The following FASN variants were observed in gnomAD, a reference collection of about 807,000 sequenced individuals.
The protein encoded by FASN is fatty acid synthase.
Under a neutral mutation model 250.0 loss-of-function variants are expected in FASN, and 50 were observed. The observed-to-expected ratio is 0.20, with a 90% CI of 0.16 to 0.25. The LOEUF (loss-of-function observed/expected upper bound fraction) is 0.25. FASN is among the 10% of genes least tolerant of loss of function. The pLI is 1.00. For missense variants in FASN, 3,031 were observed against 3,498.5 expected (o/e 0.87, Z 3.37); for synonymous variants, 1,909 against 1,584.0 (o/e 1.21, Z -4.87).
chr17:82,085,865 C>T lies in FASN; in HGVS notation c.3739G>A (p.Ala1247Thr). The change falls in exon 23 of 43, where the codon GCT becomes ACT. Residue 1247 changes from alanine to threonine, a missense_variant. Transcript: ENST00000306749. ...CGGGAATACAGGTGACCGTGGCCAG[C>T]CAGCACCTGTAGGGGGTGAATTCTG... Reference protein sequence around the residue: ...SLKMKVVEVLAGHGHLYSRIP... With the variant: ...SLKMKVVEVLTGHGHLYSRIP... The T allele has an allele frequency of 6.5e-7, 1 of 1,537,592 alleles. No homozygotes were observed. Among genetic ancestry groups the T allele is most frequent in the Non-Finnish European group, 8.7e-7 (1 of 1,146,488 alleles).
Position 82,084,711 on chromosome 17 carries a change from G to A in FASN, c.4570C>T (p.Pro1524Ser). The change falls in exon 27 of 43, where the codon CCT becomes TCT. Residue 1524 changes from proline (P) to serine (S), a missense_variant. Pro to Ser is a moderately conservative substitution (Grantham distance 74). Coordinates refer to ENST00000306749, the MANE Select transcript of FASN (RefSeq NM_004104.5). ...AAGGCATGTGCCGTCGGCTCCTCAG[G>A]CTTGTCTAGGGAAACAGGGAGGTGG... Reference protein sequence around the residue: ...FRHFLLEEDKPEEPTAHAFVS... With the variant: ...FRHFLLEEDKSEEPTAHAFVS... 1 of 1,560,948 alleles carries A rather than the reference G, an allele frequency of 6.4e-7. No homozygotes were observed. The highest frequency in any genetic ancestry group is 8.7e-7 in the Non-Finnish European group (1 of 1,152,856).
Position 82,088,980 on chromosome 17 carries a change from C to A in FASN, c.2293G>T (p.Ala765Ser), listed in dbSNP as rs774938033. Reference sequence around the variant, plus strand: ...CAGGCTGGGCCTACCTGCAGCAGGGCGTGGGGCGCGATCTCCAGCACCACC... The same window carrying A: ...CAGGCTGGGCCTACCTGCAGCAGGGAGTGGGGCGCGATCTCCAGCACCACC... ...HAVVLEIAPHALLQAVLKRGL... is the reference protein window; with the variant it reads ...HAVVLEIAPHSLLQAVLKRGL... Residue 765 changes from alanine to serine, a missense_variant, in exon 14 of 43, where the codon GCC becomes TCC. Transcript: ENST00000306749. 4.3e-5 allele frequency: 69 copies of A among 1,609,046 alleles called. No homozygotes were observed. The South Asian group carries it at 7.2e-4, about 17-fold the overall frequency.
At chr17:82,095,208 A>G (rs773306638) in intron 3 of FASN, 112 bp downstream of exon 3, 22 of 1,291,450 alleles carry the variant, frequency 1.7e-5, no homozygotes, top group Admixed American at 6.7e-5. Flanking sequence ...ACAGCCGGGG[A>G]GGGTAGGTGG....
intron 2 of FASN, among the ~76,000 whole-genome samples, chr17:82,096,026 C>A (rs774526386): frequency 6.6e-5 from 10 of 152,250 alleles, no homozygotes; most frequent in Non-Finnish European, 1.3e-4. Context: ...ATGGGCCCTG[C>A]CTGGGCCAGC....
chr17:82,085,487 T>C lies in FASN; in HGVS notation c.4117A>G (p.Ser1373Gly). ...CCCCTGCCCGGCGGCCGCACCTGGC[T>C]CAGGATGCCCTGGCCATACTGCGGC... ...TEPQYGQGIL[S>G]QDAWESLFSR... The change falls in exon 23 of 43, where the codon AGC becomes GGC. Residue 1373 changes from serine to glycine, a missense_variant. Ser to Gly is a moderately conservative substitution (Grantham distance 56). Transcript: ENST00000306749. The C allele has an allele frequency of 1.3e-6, 2 of 1,591,934 alleles. No homozygotes were observed. The highest frequency in any genetic ancestry group is 1.1e-5 in the South Asian group (1 of 88,106).
chr17:82,081,294 G>A lies in FASN; in HGVS notation c.6465C>T (p.Asp2155=). 6.4e-7 allele frequency: 1 copy of A among 1,560,440 alleles called. No individual in the cohort carries two copies. The highest frequency in any genetic ancestry group is 1.2e-5 in the South Asian group (1 of 85,186). Residue 2155 remains aspartate, a synonymous_variant, in exon 38 of 43, where the codon GAC becomes GAT. Transcript: ENST00000306749. ...LDSSLADLGL[D]SLMSVEVRQT... ...GGCGCACCTCCACGCTCATGAGCGAGTCCAGGCCCAGGTCCGCCAGTGAGC... is the reference window on the plus strand; with the variant it reads ...GGCGCACCTCCACGCTCATGAGCGAATCCAGGCCCAGGTCCGCCAGTGAGC...
At chr17:82,095,925 G>A (rs1598585730) in intron 2 of FASN, among the ~76,000 whole-genome samples, 2 of 152,218 alleles carry the variant, frequency 1.3e-5, no homozygotes, top group African/African-American at 4.8e-5. Context: ...CAGCCTGGCC[G>A]GAAGGGCTCT....
chr17:82,084,562 G>A lies in FASN; in HGVS notation c.4719C>T (p.Phe1573=). ...TGCCAGTGGCCAGCATGATGTCGCG[G>A]AAGTTGAGGGAGGCGTAGTAGACCG... ...LCTVYYASLN[F]RDIMLATGKL... Residue 1573 remains phenylalanine, a synonymous_variant, in exon 27 of 43, where the codon TTC becomes TTT. Coordinates refer to ENST00000306749, the MANE Select transcript of FASN (RefSeq NM_004104.5). The A allele has an allele frequency of 6.2e-7, 1 of 1,611,816 alleles. No individual in the cohort carries two copies. Among genetic ancestry groups the A allele is most frequent in the Non-Finnish European group, 8.5e-7 (1 of 1,179,596 alleles).
In FASN at chr17:82,079,363, G is replaced by A. The variant is rs2033947260; in HGVS notation, c.7392C>T (p.Leu2464=). ...CGTCAGGCCCCTTGCGCACCTGGGA[G>A]AGGTTGTAGTCCGCGCCCAGGTCCT... ...YGEDLGADYN[L]SQVCDGKVSV... Residue 2464 remains leucine (L), a synonymous_variant, in exon 42 of 43, where the codon CTC becomes CTT. Transcript: ENST00000306749. 3.7e-6 allele frequency: 6 copies of A among 1,613,056 alleles called. No homozygotes were observed. Among genetic ancestry groups the A allele is most frequent in the Non-Finnish European group, 5.1e-6 (6 of 1,179,988 alleles).
intron 36 of FASN, 69 bp from the exon 37 acceptor site, chr17:82,081,912 G>A: frequency 2.4e-6 from 1 of 410,096 alleles, no homozygotes; most frequent in Non-Finnish European, 4.1e-6. Context: ...CTGGGAGAGG[G>A]TGGGGTGGGC....
Position 82,084,231 on chromosome 17 carries a change from C to T in FASN, c.4919+3G>A. On this transcript the variant is annotated splice_donor_region_variant and intron_variant, in intron 28 of 42. Coordinates refer to ENST00000306749, the MANE Select transcript of FASN (RefSeq NM_004104.5). ...CCCAGGCTCACACCCTCGACACACT[C>T]ACCAGTTGGAAGGCACATCCCAGAG... 1 of 1,611,668 alleles carries T rather than the reference C, an allele frequency of 6.2e-7. No homozygotes were observed. Among genetic ancestry groups the T allele is most frequent in the Non-Finnish European group, 8.5e-7 (1 of 1,179,436 alleles).
chr17:82,096,477 C>T, intron 1 of FASN, 25 bp from the exon 2 acceptor site: 2 of 1,607,740 alleles, frequency 1.2e-6, no homozygotes, highest in South Asian at 2.2e-5. Flanking sequence ...GTGTGAGTGC[C>T]CCACACATCC....
chr17:82,098,063 C>A, intron 1 of FASN, 58 bp downstream of exon 1: 1 of 325,270 alleles, frequency 3.1e-6, no homozygotes. Flanking sequence ...ACCCCGGGAA[C>A]CCCGGGCCCA....
Position 82,080,603 on chromosome 17 carries a change from T to C in FASN, c.6827-13A>G. Reference sequence around the variant, plus strand: ...TCAAGGGGCGCAGCTGCAATGGCAGTGCCGGGCACTCAGCATGTGCAGGCG... The same window carrying C: ...TCAAGGGGCGCAGCTGCAATGGCAGCGCCGGGCACTCAGCATGTGCAGGCG... On this transcript the variant is annotated splice_polypyrimidine_tract_variant and intron_variant, in intron 39 of 42. Coordinates refer to ENST00000306749, the MANE Select transcript of FASN (RefSeq NM_004104.5). 1.3e-6 allele frequency: 2 copies of C among 1,552,688 alleles called. No homozygotes were observed. Among genetic ancestry groups the C allele is most frequent in the Admixed American group, 1.9e-5 (1 of 51,312 alleles).
Position 82,078,804 on chromosome 17 carries a change from C to T in FASN, c.*339G>A. 2.5e-6 allele frequency: 1 copy of T among 407,384 alleles called. No homozygotes were observed. The highest frequency in any genetic ancestry group is 4.6e-6 in the Non-Finnish European group (1 of 215,284). The allele number at this position is 407,384 out of a possible 1,614,324, so 25.2% of individuals were successfully genotyped here. On this transcript the variant is annotated 3_prime_UTR_variant, in exon 43 of 43. Coordinates refer to ENST00000306749, the MANE Select transcript of FASN (RefSeq NM_004104.5). The surrounding 1 kb of genome is among the most constrained non-coding windows in gnomAD (Gnocchi z 5.4). The stretch of plus-strand genomic sequence containing the variant: ...GGTGGACAGGCCTGGGGGTCTCTAC[C>T]AGCAATGCAATAAATATGCAAATCC...
At position 82,079,242 on chromosome 17, in the gene FASN, A is replaced by G. The variant is rs2033944805; in HGVS notation, c.7437T>C (p.Gly2479=). 4 of 1,612,854 alleles carry G rather than the reference A, an allele frequency of 2.5e-6. No homozygotes were observed. The highest frequency in any genetic ancestry group is 1.7e-5 in the Admixed American group (1 of 60,008). Residue 2479 remains glycine (G), a synonymous_variant, in exon 43 of 43, where the codon GGT becomes GGC. Coordinates refer to ENST00000306749, the MANE Select transcript of FASN (RefSeq NM_004104.5). ...TGCCCTCCAGCAGCGTGCGGTGGTC[A>G]CCCTCGATGACGTGGACGGATACTT... ...DGKVSVHVIE[G]DHRTLLEGSG... is the part of the protein sequence containing the mutation.
chr17:82,085,482 C>A lies in FASN; in HGVS notation c.4122G>T (p.Gln1374His). Residue 1374 changes from glutamine (Q) to histidine (H), a missense_variant and splice_region_variant, in exon 23 of 43, where the codon CAG (glutamine) becomes CAT (histidine). Physicochemically the swap from Gln to His is conservative, Grantham distance 24. Transcript: ENST00000306749. ...EPQYGQGILS[Q>H]DAWESLFSRV... ...CTGTCCCCCTGCCCGGCGGCCGCACCTGGCTCAGGATGCCCTGGCCATACT... is the reference window on the plus strand; with the variant it reads ...CTGTCCCCCTGCCCGGCGGCCGCACATGGCTCAGGATGCCCTGGCCATACT... 1 of 1,590,558 alleles carries A rather than the reference C, an allele frequency of 6.3e-7. No homozygotes were observed. Among genetic ancestry groups the A allele is most frequent in the East Asian group, 2.3e-5 (1 of 43,606 alleles).
chr17:82,085,241 C>T lies in FASN; in HGVS notation c.4284G>A (p.Leu1428=). The part of the protein sequence containing the change: ...DDTSFRWVES[L]KGILADEDSS... ...TGGAGGTGGGGCAGGGCCTGACCTTCAGAGACTCCACCCAGCGGAAGCTGG... is the reference window on the plus strand; with the variant it reads ...TGGAGGTGGGGCAGGGCCTGACCTTTAGAGACTCCACCCAGCGGAAGCTGG... Residue 1428 remains leucine, a synonymous_variant, in exon 24 of 43, where the codon CTG becomes CTA. Coordinates refer to ENST00000306749, the MANE Select transcript of FASN (RefSeq NM_004104.5). The T allele has an allele frequency of 6.2e-7, 1 of 1,611,870 alleles. No homozygotes were observed. The highest frequency in any genetic ancestry group is 8.5e-7 in the Non-Finnish European group (1 of 1,179,564).
intron 10 of FASN, 141 bp downstream of exon 10, chr17:82,090,741 C>T: frequency 2.7e-6 from 3 of 1,119,828 alleles, no homozygotes; most frequent in Non-Finnish European, 2.6e-6. Flanking sequence ...CTCCTCCCCT[C>T]CCGTCCTGCC....
Sources: gnomAD v4.1 joint callset for allele counts (sites outside exome capture counted in the v4.1 genomes callset) on GRCh38, gnomAD v4.1.1 for gene constraint, Gnocchi (gnomAD v3.1) non-coding constraint, MANE v1.5 for transcripts, NCBI Gene and HGNC (gene_info 2026-07-23, HGNC 2026-07-21) for gene names.